AFF3: variants seen among roughly 807,000 people sequenced by gnomAD.
AFF3 encodes the protein ALF transcription elongation factor 3, also known as AF4/FMR2 family member 3.
A neutral mutation model predicts 129.7 loss-of-function variants in AFF3; 32 were observed. The ratio of observed to expected loss-of-function variants is 0.25; its 90% CI spans 0.19 to 0.33. The LOEUF (loss-of-function observed/expected upper bound fraction) is 0.33. Among genes scored for constraint, AFF3 ranks in the 10% least tolerant of loss-of-function variants. The pLI is 1.00. For synonymous variants in AFF3, 644 were observed against 635.4 expected (o/e 1.01, Z -0.20); for missense variants, 1,373 against 1,592.0 (o/e 0.86, Z 2.34).
At chr2:99,965,762 T>TGTGA (rs1008592884) in intron 7 of AFF3, among the ~76,000 whole-genome samples, 2 of 152,210 alleles carry the variant, frequency 1.3e-5, no homozygotes, top group African/African-American at 4.8e-5. Flanking sequence ...AATTCACCAC[T>TGTGA]GAAATGGCAC....
chr2:99,819,179 T>C (rs1297858851), intron 8 of AFF3, among the ~76,000 whole-genome samples: 1 of 152,264 alleles, frequency 6.6e-6, no homozygotes, highest in Non-Finnish European at 1.5e-5. Context: ...GTATATTTTA[T>C]TGCTTTTCAA....
intron 7 of AFF3, among the ~76,000 whole-genome samples, chr2:99,933,497 C>A (rs1253968603): frequency 2.0e-5 from 3 of 151,892 alleles, no homozygotes; most frequent in African/African-American, 7.3e-5. Flanking sequence ...TTGCCCCCCA[C>A]CCCCCGACAG....
At chr2:99,656,533 G>C (rs976238329) in intron 12 of AFF3, among the ~76,000 whole-genome samples, 3 of 152,180 alleles carry the variant, frequency 2.0e-5, no homozygotes, top group African/African-American at 7.2e-5. Context: ...TTTTATAGAA[G>C]TTCTATTTGT....
chr2:99,950,192 A>G (rs1361941579), intron 7 of AFF3, among the ~76,000 whole-genome samples: 2 of 152,236 alleles, frequency 1.3e-5, no homozygotes, highest in African/African-American at 4.8e-5. Context: ...TGGACAAATA[A>G]TTATATAATT....
intron 8 of AFF3, among the ~76,000 whole-genome samples, chr2:99,755,669 C>T (rs1282836381): frequency 6.6e-6 from 1 of 152,200 alleles, no homozygotes; most frequent in Non-Finnish European, 1.5e-5. Flanking sequence ...CTCTGCTCCC[C>T]TCAAATTTTT....
intron 7 of AFF3, among the ~76,000 whole-genome samples, chr2:99,865,133 G>C (rs554802323): frequency 6.6e-6 from 1 of 152,206 alleles, no homozygotes; most frequent in South Asian, 2.1e-4. Context: ...GTTAAGCAAC[G>C]GTCGGGTGAG....
intron 4 of AFF3, among the ~76,000 whole-genome samples, chr2:100,074,241 C>T (rs759862156): frequency 2.0e-5 from 3 of 152,172 alleles, no homozygotes; most frequent in Admixed American, 6.5e-5. Flanking sequence ...TTCCCACTTC[C>T]TGAGCTCCTG....
In AFF3 at chr2:99,548,147, T is replaced by C. The variant is rs911569332; in HGVS notation, c.*3327A>G. 5.0e-6 allele frequency: 1 copy of C among 201,018 alleles called. No homozygotes were observed. Among genetic ancestry groups the C allele is most frequent in the Non-Finnish European group, 1.0e-5 (1 of 97,360 alleles). The allele number at this position is 201,018 out of a possible 1,614,324, so 12.5% of individuals were successfully genotyped here. A position where few individuals can be genotyped will look rare whatever the true frequency, so the allele number is the denominator to read the frequency against. ...TGGACTACTCTCTTTCAAAGGCAAT[T>C]GAACATCGTGATAAAGGATAGCATC... On this transcript the variant is annotated 3_prime_UTR_variant, in exon 25 of 25. Transcript: ENST00000672756.
At chr2:99,938,184 T>C (rs1674701785) in intron 7 of AFF3, among the ~76,000 whole-genome samples, 1 of 152,178 alleles carries the variant, frequency 6.6e-6, no homozygotes, top group African/African-American at 2.4e-5. Flanking sequence ...CAGTGAACAA[T>C]TACTGAGCAC....
chr2:99,643,055 ATTTTT>A (rs34572652), intron 13 of AFF3, among the ~76,000 whole-genome samples: 6 of 100,856 alleles, frequency 5.9e-5, no homozygotes, highest in African/African-American at 2.4e-4. Flanking sequence ...TACTTAAAAG[ATTTTT>A]TTTTTTTTTT....
intron 8 of AFF3, among the ~76,000 whole-genome samples, chr2:99,779,592 T>C (rs1684228366): frequency 6.6e-6 from 1 of 152,204 alleles, no homozygotes; most frequent in Non-Finnish European, 1.5e-5. Context: ...TACTGCGTAG[T>C]GGTGAAGTCT....
intron 22 of AFF3, among the ~76,000 whole-genome samples, chr2:99,555,337 A>C (rs1473927943): frequency 6.6e-6 from 1 of 152,248 alleles, no homozygotes; most frequent in Admixed American, 6.5e-5. Flanking sequence ...GTCGACATAC[A>C]TTTACTTAGT....
intron 18 of AFF3, among the ~76,000 whole-genome samples, chr2:99,576,919 G>A (rs1677054404): frequency 6.6e-6 from 1 of 152,132 alleles, no homozygotes. Flanking sequence ...TCCCTGGGGG[G>A]TTAATCACCA....
chr2:100,053,869 A>G (rs1686554356), intron 4 of AFF3, among the ~76,000 whole-genome samples: 1 of 152,200 alleles, frequency 6.6e-6, no homozygotes, highest in African/African-American at 2.4e-5. Context: ...TGTGTACAAA[A>G]GGAAGAGCTC....
intron 4 of AFF3, among the ~76,000 whole-genome samples, chr2:100,033,100 T>C (rs78981579): frequency 0.023 from 3,527 of 152,228 alleles, 146 homozygotes; most frequent in African/African-American, 0.082. Context: ...AGCAAGTACG[T>C]CACATCCTTG....
intron 13 of AFF3, among the ~76,000 whole-genome samples, chr2:99,646,343 T>A (rs568986669): frequency 1.3e-5 from 2 of 152,300 alleles, no homozygotes; most frequent in East Asian, 3.9e-4. Context: ...GGAACCAGTG[T>A]GCATGGCCAG....
chr2:99,832,042 C>T (rs1261036399), intron 8 of AFF3, among the ~76,000 whole-genome samples: 1 of 152,212 alleles, frequency 6.6e-6, no homozygotes, highest in Admixed American at 6.5e-5. Flanking sequence ...CGTCAGTCCT[C>T]TAGTGTAGTG....
At chr2:99,792,828 A>G (rs1486301594) in intron 8 of AFF3, among the ~76,000 whole-genome samples, 1 of 152,142 alleles carries the variant, frequency 6.6e-6, no homozygotes, top group African/African-American at 2.4e-5. Context: ...CTTATTATAT[A>G]TTTCTGAATT....
intron 1 of AFF3, among the ~76,000 whole-genome samples, chr2:100,136,974 A>G (rs1692664311): frequency 6.6e-6 from 1 of 152,064 alleles, no homozygotes; most frequent in Admixed American, 6.5e-5. Context: ...GATGCCTTTT[A>G]TGAATTGCAT....
Sources: gnomAD v4.1 joint callset for allele counts (sites outside exome capture counted in the v4.1 genomes callset) on GRCh38, gnomAD v4.1.1 for gene constraint, MANE v1.5 for transcripts, NCBI Gene and HGNC (gene_info 2026-07-23, HGNC 2026-07-21) for gene names.